The following CCSER1 variants were observed in gnomAD, a reference collection of about 807,000 sequenced individuals.
CCSER1 encodes coiled-coil serine rich protein 1, also known as serine-rich coiled-coil domain-containing protein 1.
Under a neutral mutation model 82.0 loss-of-function variants are expected in CCSER1, and 41 were observed. The observed-to-expected ratio is 0.50, with a 90% CI of 0.39 to 0.65. The LOEUF (loss-of-function observed/expected upper bound fraction) is 0.65, where lower values mean the gene tolerates loss of function less well. Among genes scored for constraint, CCSER1 ranks in the 30% least tolerant of loss-of-function variants. The pLI is 0.00. For synonymous variants in CCSER1, 414 were observed against 383.9 expected, an observed-to-expected ratio of 1.08 and a Z score of -0.92; for missense variants, 1,119 against 1,064.2, an observed-to-expected ratio of 1.05 and a Z score of -0.72.
intron 10 of CCSER1, among the ~76,000 whole-genome samples, chr4:91,576,637 A>T (rs1299821713): frequency 6.6e-6 from 1 of 152,042 alleles, no homozygotes; most frequent in Non-Finnish European, 1.5e-5. Context: ...ATAATGATAT[A>T]TTTTATGGAT....
intron 8 of CCSER1, among the ~76,000 whole-genome samples, chr4:90,869,437 C>G: frequency 6.6e-6 from 1 of 151,856 alleles, no homozygotes; most frequent in Non-Finnish European, 1.5e-5. Context: ...AGTTTTCCCA[C>G]CACCATTTGT....
At chr4:90,999,867 G>A (rs1561459016) in intron 9 of CCSER1, among the ~76,000 whole-genome samples, 2 of 119,910 alleles carry the variant, frequency 1.7e-5, no homozygotes, top group Non-Finnish European at 3.3e-5. Flanking sequence ...TGTCCAGAAT[G>A]GTGTTTCTGA....
At position 91,413,505 on chromosome 4, in the gene CCSER1, C is replaced by CA. The variant is rs370234675; in HGVS notation, c.2218-185058dup. ...CCAATCAGAACAAGAACAACAACAA[C>CA]AAAAAAAAACAAAAAGAATGAAAAA... is the stretch of plus-strand genomic sequence containing the variant. On this transcript the variant is annotated intron_variant, in intron 10 of 10. Transcript: ENST00000509176. 4.0e-3 allele frequency among the ~76,000 whole-genome samples: 583 copies of CA among 144,868 alleles called. 1 individual carries two copies. The highest frequency in any genetic ancestry group is 6.4e-3 in the South Asian group (29 of 4,560).
intron 10 of CCSER1, among the ~76,000 whole-genome samples, chr4:91,396,092 A>G (rs1751963508): frequency 6.6e-6 from 1 of 152,088 alleles, no homozygotes; most frequent in Admixed American, 6.6e-5. Context: ...AATAAACATA[A>G]GTTATTTAGA....
chr4:90,330,275 T>C (rs1739042919), intron 3 of CCSER1, among the ~76,000 whole-genome samples: 1 of 152,142 alleles, frequency 6.6e-6, no homozygotes, highest in African/African-American at 2.4e-5. Context: ...TAACCAGCTG[T>C]CAGATAATTC....
At chr4:90,626,405 C>T (rs1027039659) in intron 5 of CCSER1, among the ~76,000 whole-genome samples, 24 of 152,038 alleles carry the variant, frequency 1.6e-4, no homozygotes, top group African/African-American at 5.8e-4. Flanking sequence ...TCTTATTGGT[C>T]TTAGAGAAAA....
At chr4:90,867,340 A>G (rs1008541686) in intron 8 of CCSER1, among the ~76,000 whole-genome samples, 10 of 152,106 alleles carry the variant, frequency 6.6e-5, no homozygotes, top group African/African-American at 2.4e-4. Context: ...CATCTTTCAA[A>G]TATTTATAAA....
intron 8 of CCSER1, among the ~76,000 whole-genome samples, chr4:90,850,296 A>C (rs1763723129): frequency 6.6e-6 from 1 of 152,308 alleles, no homozygotes; most frequent in Middle Eastern, 3.4e-3. Context: ...TGGGGACTCT[A>C]TATGGGGCTT....
intron 4 of CCSER1, 81 bp downstream of exon 4, chr4:90,400,210 G>T: frequency 1.6e-6 from 1 of 627,260 alleles, no homozygotes; most frequent in Non-Finnish European, 2.6e-6. Flanking sequence ...ACACTGTTAA[G>T]GCTGCCTTCT....
At position 91,604,759 on chromosome 4, in the gene CCSER1, G is replaced by T. The variant is rs1764907068; in HGVS notation, c.*5702G>T. The T allele has an allele frequency of 6.6e-6, 1 of 151,838 alleles. No individual in the cohort carries two copies. The highest frequency in any genetic ancestry group is 1.5e-5 in the Non-Finnish European group (1 of 67,864). The allele number at this position is 151,838 out of a possible 1,614,324, so 9.4% of individuals were successfully genotyped here. ...TAAAATTACAGCTGATTTAGAATTT[G>T]CTTAATTATTCAGAAGGAATTGAAG... On this transcript the variant is annotated 3_prime_UTR_variant, in exon 11 of 11. Coordinates refer to ENST00000509176, the MANE Select transcript of CCSER1 (RefSeq NM_001145065.2).
At chr4:90,640,949 A>G (rs1008999171) in intron 6 of CCSER1, among the ~76,000 whole-genome samples, 2 of 152,142 alleles carry the variant, frequency 1.3e-5, no homozygotes, top group Admixed American at 1.3e-4. Context: ...AAGGTACTAG[A>G]ACAAACTGCT....
chr4:90,468,582 T>G, intron 5 of CCSER1: 1 of 370,858 alleles, frequency 2.7e-6, no homozygotes. Flanking sequence ...TTACCTTATC[T>G]TAAGGACATG....
chr4:90,135,071 G>A (rs892587893), intron 1 of CCSER1, among the ~76,000 whole-genome samples: 1 of 151,984 alleles, frequency 6.6e-6, no homozygotes, highest in Non-Finnish European at 1.5e-5. Flanking sequence ...TTCTGTTACT[G>A]GAAGAATGAA....
At chr4:90,756,273 T>C (rs1047132822) in intron 7 of CCSER1, among the ~76,000 whole-genome samples, 1 of 152,134 alleles carries the variant, frequency 6.6e-6, no homozygotes, top group African/African-American at 2.4e-5. Flanking sequence ...AGAAAACATT[T>C]AATAGAAAAT....
intron 10 of CCSER1, among the ~76,000 whole-genome samples, chr4:91,384,639 TATATA>T (rs1751157971): frequency 3.9e-5 from 6 of 152,066 alleles, no homozygotes; most frequent in Admixed American, 3.9e-4. Flanking sequence ...GGGTATATCT[TATATA>T]ATATGACTAT....
intron 10 of CCSER1, among the ~76,000 whole-genome samples, chr4:91,382,174 G>T (rs918883940): frequency 2.6e-5 from 4 of 152,072 alleles, no homozygotes; most frequent in Non-Finnish European, 5.9e-5. Context: ...CTACTGGGGG[G>T]TTCCTCCCAG....
chr4:91,179,321 T>A (rs2149025624), intron 10 of CCSER1, among the ~76,000 whole-genome samples: 1 of 152,328 alleles, frequency 6.6e-6, no homozygotes, highest in East Asian at 1.9e-4. Flanking sequence ...TGGCATTCTC[T>A]GCATTTCCTG....
intron 3 of CCSER1, among the ~76,000 whole-genome samples, chr4:90,324,704 G>C (rs1311663323): frequency 2.6e-5 from 4 of 152,018 alleles, no homozygotes; most frequent in Non-Finnish European, 4.4e-5. Flanking sequence ...TTTGGCTTTT[G>C]TTGCCGTTGC....
chr4:90,689,773 G>T (rs1312539923), intron 6 of CCSER1, among the ~76,000 whole-genome samples: 1 of 152,094 alleles, frequency 6.6e-6, no homozygotes, highest in East Asian at 1.9e-4. Context: ...GGAAGTTTCA[G>T]ACATAGCCTG....
Sources: allele counts gnomAD v4.1 joint callset (sites outside exome capture counted in the v4.1 genomes callset), GRCh38; gene constraint gnomAD v4.1.1; transcripts MANE v1.5; gene names NCBI Gene and HGNC (gene_info 2026-07-23, HGNC 2026-07-21).